The following PPP6R1 variants were observed in gnomAD, a reference collection of about 807,000 sequenced individuals.
PPP6R1 encodes the protein protein phosphatase 6 regulatory subunit 1, also known as serine/threonine-protein phosphatase 6 regulatory subunit 1.
PPP6R1 carries 39 observed loss-of-function variants against 104.6 expected under a neutral mutation model. That is an observed-to-expected ratio of 0.37 (90% confidence interval 0.29 to 0.49). PPP6R1 has a LOEUF of 0.49. Ranked by LOEUF, PPP6R1 falls within the 20% of genes least tolerant of loss-of-function variation. The pLI is 0.98. For synonymous variants in PPP6R1, 549 were observed against 479.0 expected (o/e 1.15, Z -1.91); for missense variants, 1,181 against 1,155.8 (o/e 1.02, Z -0.32).
In PPP6R1 at chr19:55,230,545, G is replaced by C. The variant is rs2087331030; in HGVS notation, c.2643-14C>G. The C allele has an allele frequency of 6.2e-7, 1 of 1,613,600 alleles. No homozygotes were observed. Among genetic ancestry groups the C allele is most frequent in the East Asian group, 2.2e-5 (1 of 44,866 alleles). ...CCAGGCAGCTATCTGGAAACAGAGGGAGATGTCGTGTGAGGGTCTAGCAGG... is the reference window on the plus strand; with the variant it reads ...CCAGGCAGCTATCTGGAAACAGAGGCAGATGTCGTGTGAGGGTCTAGCAGG... On this transcript the variant is annotated splice_polypyrimidine_tract_variant and intron_variant, in intron 23 of 23. Transcript: ENST00000412770.
chr19:55,253,258 G>A (rs2087567535), intron 1 of PPP6R1, among the ~76,000 whole-genome samples: 1 of 152,258 alleles, frequency 6.6e-6, no homozygotes, highest in Non-Finnish European at 1.5e-5. Context: ...GAGGGGCCCA[G>A]AGGGGTGGAG....
intron 21 of PPP6R1, 75 bp downstream of exon 21, chr19:55,231,335 T>C (rs1182867326): frequency 6.8e-7 from 1 of 1,479,178 alleles, no homozygotes; most frequent in African/African-American, 1.4e-5. Context: ...AGGGACAAGA[T>C]GAACCCAGAG....
In PPP6R1 at chr19:55,232,154, T is replaced by TTCC. The variant is rs752714134; in HGVS notation, c.2043_2045dup (p.Glu682dup). 6.3e-7 allele frequency: 1 copy of TTCC among 1,579,828 alleles called. No homozygotes were observed. The highest frequency in any genetic ancestry group is 8.6e-7 in the Non-Finnish European group (1 of 1,162,670). On this transcript the variant is annotated inframe_insertion, in exon 18 of 24. Transcript: ENST00000412770. ...CTGCACAGCCAATGCCCTCCTCGTC[T>TTCC]TCCTCCTCCTCCTCGTCCTCCTCTT...
At position 55,254,726 on chromosome 19, in the gene PPP6R1, G is replaced by C. The variant is rs1010187086; in HGVS notation, c.-7+3709C>G. ...CCCCCTGGCCGGTACCCTAGGAAGG[G>C]AAAGAGCCTGCTACCAGCAGCAGGC... is the stretch of plus-strand genomic sequence containing the variant. On this transcript the variant is annotated intron_variant, in intron 1 of 23. Coordinates refer to ENST00000412770, the MANE Select transcript of PPP6R1 (RefSeq NM_014931.4). Among the ~76,000 whole-genome samples the C allele has an allele frequency of 3.9e-5, 6 of 152,198 alleles. 1 individual carries two copies. Among genetic ancestry groups the C allele is most frequent in the Admixed American group, 3.3e-4 (5 of 15,278 alleles).
Position 55,245,059 on chromosome 19 carries a change from G to A in PPP6R1, c.618+61C>T. 3 of 1,585,818 alleles carry A rather than the reference G, an allele frequency of 1.9e-6. No individual in the cohort carries two copies. In the African/African-American group the frequency reaches 4.0e-5, roughly 21 times the overall value. On this transcript the variant is annotated intron_variant, in intron 5 of 23. Coordinates refer to ENST00000412770, the MANE Select transcript of PPP6R1 (RefSeq NM_014931.4). This position sits in a 1 kb window ranked among gnomAD's most constrained non-coding sequence, Gnocchi z 6.4. ...AGCCCCAATTCCTCTTTTAAAAGTGGGGAAGTGGGCATGGGGAAGGAACTC... is the reference window on the plus strand; with the variant it reads ...AGCCCCAATTCCTCTTTTAAAAGTGAGGAAGTGGGCATGGGGAAGGAACTC...
chr19:55,232,579 G>C (rs1002638023), intron 17 of PPP6R1: 14 of 221,690 alleles, frequency 6.3e-5, no homozygotes, highest in Non-Finnish European at 9.8e-5. Flanking sequence ...GGTCACCACA[G>C]TGACAGGCCT....
intron 5 of PPP6R1, among the ~76,000 whole-genome samples, chr19:55,243,369 T>C (rs996463181): frequency 2.5e-4 from 35 of 137,404 alleles, no homozygotes; most frequent in Admixed American, 1.3e-3. Flanking sequence ...GCCGAGATCG[T>C]GCCACTGCAC....
chr19:55,243,974 C>A (rs1166343965), intron 5 of PPP6R1, among the ~76,000 whole-genome samples: 2 of 152,176 alleles, frequency 1.3e-5, no homozygotes, highest in Non-Finnish European at 2.9e-5. Context: ...CTAAATTCAA[C>A]AAGATGATAA....
Position 55,246,924 on chromosome 19 carries a change from C to G in PPP6R1, c.180G>C (p.Trp60Cys). ...CGCTATCTGGCGGCTCCTGGGTGAC[C>G]CAGGCCACCATTGCTTGCAGGTGGG... ...QPPHLQAMVAWVTQEPPDSGE... is the reference protein window; with the variant it reads ...QPPHLQAMVACVTQEPPDSGE... Residue 60 changes from tryptophan (W) to cysteine (C), a missense_variant, in exon 2 of 24, where the codon TGG becomes TGC. By Grantham distance (215) the Trp-to-Cys change is radical. This residue lies in a region of PPP6R1 where 139 missense variants were observed against 200.1 expected (regional missense o/e 0.69). Coordinates refer to ENST00000412770, the MANE Select transcript of PPP6R1 (RefSeq NM_014931.4). 6.2e-7 allele frequency: 1 copy of G among 1,613,432 alleles called. No individual in the cohort carries two copies. Among genetic ancestry groups the G allele is most frequent in the Non-Finnish European group, 8.5e-7 (1 of 1,179,690 alleles).
At chr19:55,239,726 A>G in intron 13 of PPP6R1, 43 bp from the exon 14 acceptor site, 1 of 1,589,548 alleles carries the variant, frequency 6.3e-7, no homozygotes. Context: ...GAGCCCCCAG[A>G]CCAGGGTGGG....
At chr19:55,243,404 C>CAAA in intron 5 of PPP6R1, among the ~76,000 whole-genome samples, 1 of 49,116 alleles carries the variant, frequency 2.0e-5, no homozygotes. Context: ...GACTCCATCT[C>CAAA]AAAAAAAAAA....
chr19:55,230,175 C>T lies in PPP6R1; in HGVS notation c.*353G>A. 3.5e-6 allele frequency: 1 copy of T among 283,630 alleles called. No homozygotes were observed. The allele number at this position is 283,630 out of a possible 1,614,324, so 17.6% of individuals were successfully genotyped here. ...AACACCAGCTCCCGCTGGGACGGAA[C>T]AGGGAAGGCTGTGCTTTGGAGCCGC... On this transcript the variant is annotated 3_prime_UTR_variant, in exon 24 of 24. Coordinates refer to ENST00000412770, the MANE Select transcript of PPP6R1 (RefSeq NM_014931.4).
intron 17 of PPP6R1, chr19:55,232,595 C>T (rs1399525685): frequency 5.2e-6 from 1 of 191,332 alleles, no homozygotes; most frequent in East Asian, 1.5e-4. Flanking sequence ...GGCCTTCCCA[C>T]CAGCAGGCCC....
At chr19:55,250,406 A>G (rs906763286) in intron 1 of PPP6R1, among the ~76,000 whole-genome samples, 3 of 152,130 alleles carry the variant, frequency 2.0e-5, no homozygotes, top group Admixed American at 6.5e-5. Flanking sequence ...GGGCCTGTGT[A>G]GTGGACACTT....
chr19:55,254,247 T>C (rs1204417621), intron 1 of PPP6R1, among the ~76,000 whole-genome samples: 1 of 152,140 alleles, frequency 6.6e-6, no homozygotes, highest in Non-Finnish European at 1.5e-5. Flanking sequence ...CTACCACTAG[T>C]TTTTAGCTAC....
chr19:55,236,416 A>G, intron 17 of PPP6R1: 2 of 533,972 alleles, frequency 3.7e-6, no homozygotes, highest in Non-Finnish European at 6.4e-6. Context: ...CTGGCCTCCC[A>G]AAGTACTGGG....
chr19:55,246,189 G>A (rs2087506696), intron 2 of PPP6R1, among the ~76,000 whole-genome samples: 1 of 152,306 alleles, frequency 6.6e-6, no homozygotes, highest in East Asian at 1.9e-4. Flanking sequence ...GGTACCCCTT[G>A]GGAGGCTGAG....
intron 1 of PPP6R1, among the ~76,000 whole-genome samples, chr19:55,250,861 C>T (rs953986233): frequency 2.0e-5 from 3 of 152,136 alleles, no homozygotes; most frequent in Non-Finnish European, 4.4e-5. Context: ...GACCCCTGCT[C>T]GTTCCCTCTC....
At chr19:55,232,481 G>A (rs1173839687) in intron 17 of PPP6R1, 1 of 458,912 alleles carries the variant, frequency 2.2e-6, no homozygotes, top group East Asian at 3.7e-5. Context: ...CAGGCCCTGG[G>A]GAAGTGGGCT....
Sources: allele counts gnomAD v4.1 joint callset (sites outside exome capture counted in the v4.1 genomes callset), GRCh38; gene constraint gnomAD v4.1.1; regional missense constraint gnomAD v4.1.1; non-coding constraint Gnocchi (gnomAD v3.1); transcripts MANE v1.5; gene names NCBI Gene and HGNC (gene_info 2026-07-23, HGNC 2026-07-21).